The following CHD2 variants were observed in gnomAD, a reference collection of about 807,000 sequenced individuals.
CHD2 encodes the protein ATP-dependent chromatin remodeler CHD2.
Under a neutral mutation model 243.9 loss-of-function variants are expected in CHD2, and 28 were observed. The observed-to-expected ratio is 0.11, with a 90% CI of 0.09 to 0.16. The LOEUF (loss-of-function observed/expected upper bound fraction) is 0.16. Among genes scored for constraint, CHD2 ranks in the 10% least tolerant of loss-of-function variants. The pLI, the probability that CHD2 is intolerant of heterozygous loss-of-function variation, is 1.00. For missense variants in CHD2, 1,386 were observed against 2,209.8 expected (o/e 0.63, Z 7.47); for synonymous variants, 775 against 779.0 (o/e 0.99, Z 0.09).
chr15:93,013,472 C>T (rs948913991), intron 36 of CHD2, among the ~76,000 whole-genome samples: 1 of 152,134 alleles, frequency 6.6e-6, no homozygotes, highest in East Asian at 1.9e-4. Context: ...ACAGTGGTAT[C>T]CTACTAGTGG....
intron 16 of CHD2, among the ~76,000 whole-genome samples, chr15:92,958,424 G>A (rs2053643562): frequency 1.3e-5 from 2 of 152,124 alleles, no homozygotes; most frequent in African/African-American, 2.4e-5. Context: ...AAATGTTTTG[G>A]CATTTTAACT....
chr15:93,024,237 A>G, intron 38 of CHD2, 135 bp from the exon 39 acceptor site: 1 of 761,134 alleles, frequency 1.3e-6, no homozygotes. Context: ...TCTGTTATTA[A>G]TTTTTTTGAT....
intron 32 of CHD2, among the ~76,000 whole-genome samples, chr15:93,001,159 C>T (rs148373903): frequency 1.0e-3 from 157 of 152,178 alleles, no homozygotes; most frequent in Non-Finnish European, 1.8e-3. Context: ...CGTGAGTCAC[C>T]GCGCCCGTCC....
Position 93,024,750 on chromosome 15 carries a change from A to C in CHD2, c.*45A>C, listed in dbSNP as rs753089444. On this transcript the variant is annotated 3_prime_UTR_variant, in exon 39 of 39. Transcript: ENST00000394196. ...AGAGTAAGAGTCACCAAACACGTGGATATTTTTGGTCTGATCCTACAGTAG... is the reference window on the plus strand; with the variant it reads ...AGAGTAAGAGTCACCAAACACGTGGCTATTTTTGGTCTGATCCTACAGTAG... 2.0e-6 allele frequency: 3 copies of C among 1,527,896 alleles called. No individual in the cohort carries two copies. Among genetic ancestry groups the C allele is most frequent in the East Asian group, 2.3e-5 (1 of 44,058 alleles). 94.6% of individuals were successfully genotyped at this position (1,527,896 alleles called of 1,614,324 possible). A position where few individuals can be genotyped will look rare whatever the true frequency, so the allele number is the denominator to read the frequency against.
intron 38 of CHD2, 74 bp downstream of exon 38, chr15:93,020,332 C>T (rs1567167075): frequency 6.4e-7 from 1 of 1,555,136 alleles, no homozygotes; most frequent in East Asian, 2.2e-5. Context: ...GTGACGTATA[C>T]ATGAATGTAT....
intron 21 of CHD2, 129 bp from the exon 22 acceptor site, chr15:92,979,006 C>T (rs2141843962): frequency 2.5e-6 from 3 of 1,214,268 alleles, no homozygotes; most frequent in Non-Finnish European, 3.4e-6. Flanking sequence ...TTACAGTCTT[C>T]TATGGTTAGA....
At chr15:92,949,171 A>G (rs953081264) in intron 13 of CHD2, 95 bp downstream of exon 13, 4 of 1,560,084 alleles carry the variant, frequency 2.6e-6, no homozygotes, top group East Asian at 2.3e-5. Flanking sequence ...TCACACCCTT[A>G]TTGTATCTCA....
chr15:92,909,279 T>C (rs2052683657), intron 2 of CHD2, among the ~76,000 whole-genome samples: 1 of 152,152 alleles, frequency 6.6e-6, no homozygotes, highest in Non-Finnish European at 1.5e-5. Context: ...CTAGAATTAT[T>C]TACTTGGAAT....
intron 2 of CHD2, among the ~76,000 whole-genome samples, chr15:92,907,661 T>G (rs951768426): frequency 6.6e-6 from 1 of 152,176 alleles, no homozygotes; most frequent in African/African-American, 2.4e-5. Flanking sequence ...TTTAAAAATG[T>G]AGATAATGGT....
rs1188002514 is a variant in CHD2, at chr15:92,904,602, A to AGTGT, written c.62+3306_62+3309dup. Reference sequence around the variant, plus strand: ...TTGCCTGTAGCGGTCCGCACCCTGTAGTGTGTTCTTTTGCCCATTTCCGGG... The same window carrying AGTGT: ...TTGCCTGTAGCGGTCCGCACCCTGTAGTGTGTGTGTTCTTTTGCCCATTTCCGGG... On this transcript the variant is annotated intron_variant, in intron 2 of 38. Transcript: ENST00000394196. The AGTGT allele has an allele frequency of 2.6e-6, 3 of 1,138,280 alleles. No individual in the cohort carries two copies. In the East Asian group the frequency reaches 1.9e-4, roughly 70 times the overall value. 70.5% of individuals were successfully genotyped at this position (1,138,280 alleles called of 1,614,324 possible).
chr15:93,003,263 G>A (rs1242780260), intron 33 of CHD2, among the ~76,000 whole-genome samples: 1 of 148,050 alleles, frequency 6.8e-6, no homozygotes, highest in Non-Finnish European at 1.5e-5. Flanking sequence ...CTCCAGCTTG[G>A]GCAACAGAGG....
chr15:92,901,993 TAATA>T, intron 2 of CHD2: 1 of 385,740 alleles, frequency 2.6e-6, no homozygotes, highest in East Asian at 3.7e-5. Context: ...GGAATACTCT[TAATA>T]TATACTTCTA....
chr15:93,018,807 T>G (rs1254467299), intron 37 of CHD2, among the ~76,000 whole-genome samples: 1 of 152,192 alleles, frequency 6.6e-6, no homozygotes, highest in African/African-American at 2.4e-5. Context: ...TCCCTCTGCC[T>G]TTATTTTGAA....
chr15:92,940,970 A>AATATATATATAAATATAT (rs1290465043), intron 7 of CHD2, among the ~76,000 whole-genome samples: 1 of 31,420 alleles, frequency 3.2e-5, no homozygotes, highest in East Asian at 6.5e-3. Context: ...TATAAATATA[A>AATATATATATAAATATAT]ATATAAATAT....
At chr15:92,954,540 A>G (rs2053594203) in intron 14 of CHD2, among the ~76,000 whole-genome samples, 1 of 152,210 alleles carries the variant, frequency 6.6e-6, no homozygotes, top group African/African-American at 2.4e-5. Context: ...GGCTGATTTC[A>G]TTGGCCTAAT....
At chr15:92,917,262 C>G (rs1053605380) in intron 2 of CHD2, among the ~76,000 whole-genome samples, 1 of 152,060 alleles carries the variant, frequency 6.6e-6, no homozygotes, top group African/African-American at 2.4e-5. Context: ...TATTCTTTAC[C>G]AATAAGAAAT....
At position 92,922,156 on chromosome 15, in the gene CHD2, TAGAA is replaced by T. The variant is rs550046142; in HGVS notation, c.63-2159_63-2156del. Among the ~76,000 whole-genome samples the T allele has an allele frequency of 2.1e-3, 320 of 152,074 alleles. 2 individuals carry two copies. Among genetic ancestry groups the T allele is most frequent in the African/African-American group, 7.5e-3 (313 of 41,458 alleles). On this transcript the variant is annotated intron_variant, in intron 2 of 38. Transcript: ENST00000394196. ...AATCTTTTGGCCCCCTATGGTAAAATAGAAAGAAATGAGCTTTAGATCCACACTT... is the reference window on the plus strand; with the variant it reads ...AATCTTTTGGCCCCCTATGGTAAAATAGAAATGAGCTTTAGATCCACACTT...
At chr15:92,965,088 A>C (rs935933207) in intron 16 of CHD2, among the ~76,000 whole-genome samples, 1 of 152,236 alleles carries the variant, frequency 6.6e-6, no homozygotes, top group Non-Finnish European at 1.5e-5. Flanking sequence ...AATTTTTTCT[A>C]GTTCTGTGAG....
chr15:92,985,198 G>T (rs1458746175), intron 25 of CHD2, among the ~76,000 whole-genome samples: 2 of 152,160 alleles, frequency 1.3e-5, no homozygotes, highest in African/African-American at 2.4e-5. Context: ...GGCACAAAGA[G>T]TAAAATTACT....
Sources: gnomAD v4.1 joint callset for allele counts (sites outside exome capture counted in the v4.1 genomes callset) on GRCh38, gnomAD v4.1.1 for gene constraint, MANE v1.5 for transcripts, NCBI Gene and HGNC (gene_info 2026-07-23, HGNC 2026-07-21) for gene names.